PDLIM1: variants seen among roughly 807,000 people sequenced by gnomAD.
The protein encoded by PDLIM1 is PDZ and LIM domain protein 1.
Under a neutral mutation model 35.2 loss-of-function variants are expected in PDLIM1, and 25 were observed. The ratio of observed to expected loss-of-function variants is 0.71; its 90% CI spans 0.52 to 0.99. The LOEUF is 0.99. Ranked by LOEUF, PDLIM1 falls within the 50% of genes least tolerant of loss-of-function variation. The pLI, the probability that PDLIM1 is intolerant of heterozygous loss-of-function variation, is 0.00. For synonymous variants in PDLIM1, 152 were observed against 154.0 expected, an observed-to-expected ratio of 0.99 and a Z score of 0.10; for missense variants, 363 against 415.3, an observed-to-expected ratio of 0.87 and a Z score of 1.09.
At chr10:95,285,179 C>T (rs369165642) in intron 1 of PDLIM1, among the ~76,000 whole-genome samples, 42 of 152,288 alleles carry the variant, frequency 2.8e-4, no homozygotes, top group African/African-American at 9.6e-4. Context: ...AACCTCATAA[C>T]TGGACTGTAA....
chr10:95,280,919 A>C (rs1048402364), intron 1 of PDLIM1, among the ~76,000 whole-genome samples: 2 of 152,200 alleles, frequency 1.3e-5, no homozygotes, highest in African/African-American at 4.8e-5. Context: ...ATCAGATCCC[A>C]TGGGGGCAGG....
chr10:95,260,351 T>C (rs1444748894), intron 4 of PDLIM1, among the ~76,000 whole-genome samples: 2 of 152,184 alleles, frequency 1.3e-5, no homozygotes, highest in Admixed American at 1.3e-4. Context: ...ATATAAACAA[T>C]GAAATCTGGG....
chr10:95,242,760 G>A (rs2035189283), intron 5 of PDLIM1, among the ~76,000 whole-genome samples: 1 of 151,968 alleles, frequency 6.6e-6, no homozygotes. Flanking sequence ...AGGGATCTCA[G>A]AAGGGCCTGG....
chr10:95,238,832 T>C (rs1393675719), intron 5 of PDLIM1, 147 bp from the exon 6 acceptor site: 3 of 582,834 alleles, frequency 5.1e-6, no homozygotes, highest in Non-Finnish European at 9.4e-6. Flanking sequence ...GCAAGTAACT[T>C]AGCCTCTCTG....
At chr10:95,287,642 G>A (rs1402158347) in intron 1 of PDLIM1, among the ~76,000 whole-genome samples, 2 of 151,936 alleles carry the variant, frequency 1.3e-5, no homozygotes, top group Non-Finnish European at 2.9e-5. Flanking sequence ...TAACTAGAGG[G>A]AAGGAGAAAT....
At chr10:95,271,815 C>G (rs1157199416) in intron 1 of PDLIM1, 31 bp from the exon 2 acceptor site, 34 of 1,604,758 alleles carry the variant, frequency 2.1e-5, no homozygotes, top group Non-Finnish European at 2.8e-5. Flanking sequence ...AGGCTAGTTA[C>G]TATTTGTCTC....
intron 1 of PDLIM1, among the ~76,000 whole-genome samples, chr10:95,288,247 T>C (rs1315942691): frequency 6.6e-6 from 1 of 152,210 alleles, no homozygotes; most frequent in African/African-American, 2.4e-5. Flanking sequence ...TTTAGCAGTT[T>C]AGCAAAAGAC....
At chr10:95,275,614 C>T (rs887727675) in intron 1 of PDLIM1, among the ~76,000 whole-genome samples, 2 of 152,056 alleles carry the variant, frequency 1.3e-5, no homozygotes, top group Admixed American at 1.3e-4. Context: ...TAATCATTTC[C>T]CTCTACACTG....
chr10:95,266,606 G>A (rs2035418894), intron 3 of PDLIM1, among the ~76,000 whole-genome samples: 1 of 152,142 alleles, frequency 6.6e-6, no homozygotes, highest in South Asian at 2.1e-4. Flanking sequence ...TGAGTTACTA[G>A]AGTGTCAAGT....
chr10:95,273,804 T>TA (rs1285852814), intron 1 of PDLIM1, among the ~76,000 whole-genome samples: 9 of 151,700 alleles, frequency 5.9e-5, no homozygotes, highest in East Asian at 1.9e-4. Context: ...GTGCATGCAA[T>TA]AAAAAAAAAT....
chr10:95,282,221 G>A (rs944751141), intron 1 of PDLIM1, among the ~76,000 whole-genome samples: 7 of 152,184 alleles, frequency 4.6e-5, no homozygotes, highest in African/African-American at 1.7e-4. Context: ...GGATAAAGCA[G>A]GACCCAGCTC....
Position 95,263,920 on chromosome 10 carries a change from G to A in PDLIM1, c.477C>T (p.Phe159=), listed in dbSNP as rs78248291. 6.0e-5 allele frequency: 97 copies of A among 1,614,000 alleles called. No homozygotes were observed. The African/African-American group carries it at 1.1e-3, about 19-fold the overall frequency. ...CAGTCTTTGACTCCAGGGCATTGTT[G>A]AAGTTGGAGATATTTTCAGAAGAGT... ...GLYSSENISN[F]NNALESKTAA... The change falls in exon 4 of 7, where the codon TTC becomes TTT. Residue 159 remains phenylalanine (F), a synonymous_variant. Transcript: ENST00000329399.
chr10:95,263,765 C>A, intron 4 of PDLIM1, 99 bp downstream of exon 4: 1 of 797,156 alleles, frequency 1.3e-6, no homozygotes, highest in Non-Finnish European at 2.0e-6. Context: ...CATTTTTCTC[C>A]CTGGAGTAGT....
chr10:95,277,936 C>A (rs1203713207), intron 1 of PDLIM1, among the ~76,000 whole-genome samples: 1 of 152,232 alleles, frequency 6.6e-6, no homozygotes, highest in East Asian at 1.9e-4. Flanking sequence ...AGCTCTCCCA[C>A]TTTCTTCAAC....
rs533443611 is a variant in PDLIM1, at chr10:95,250,560, A to T, written c.534-3194T>A. Among the ~76,000 whole-genome samples the T allele has an allele frequency of 6.6e-5, 10 of 152,324 alleles. No individual in the cohort carries two copies. The East Asian group carries it at 1.5e-3, about 23-fold the overall frequency. The stretch of plus-strand genomic sequence containing the variant: ...TGATACCACAATATCTTAAAAAATG[A>T]TGACAAAAATATGAAGGAGAAATGG... On this transcript the variant is annotated intron_variant, in intron 4 of 6. Transcript: ENST00000329399.
rs367901467 is a variant in PDLIM1 at position 95,268,828 on chromosome 10, C to T, written c.283G>A (p.Glu95Lys). The T allele has an allele frequency of 5.0e-6, 8 of 1,613,292 alleles. No individual in the cohort carries two copies. In the African/African-American group the frequency reaches 1.1e-4, roughly 22 times the overall value. ...TTGTATGGATGACGCTTCCCTTCCT[C>T]CGTCACCAGAGGAGACCAGACTTTA... ...EHKVWSPLVT[E>K]EGKRHPYKMN... The change falls in exon 3 of 7, where the codon GAG (glutamate) becomes AAG (lysine). Residue 95 changes from glutamate (E) to lysine (K), a missense_variant. Transcript: ENST00000329399.
At chr10:95,270,858 C>A (rs554756339) in intron 2 of PDLIM1, among the ~76,000 whole-genome samples, 4 of 152,112 alleles carry the variant, frequency 2.6e-5, no homozygotes, top group South Asian at 4.2e-4. Flanking sequence ...TCAAGTGATT[C>A]TCCTGCCTCG....
At chr10:95,247,882 A>G (rs1378720255) in intron 4 of PDLIM1, among the ~76,000 whole-genome samples, 1 of 152,232 alleles carries the variant, frequency 6.6e-6, no homozygotes, top group Non-Finnish European at 1.5e-5. Context: ...CTCCTCACCT[A>G]TAACACAGAG....
At chr10:95,286,479 CAGG>C (rs1370380786) in intron 1 of PDLIM1, among the ~76,000 whole-genome samples, 1 of 152,054 alleles carries the variant, frequency 6.6e-6, no homozygotes, top group Non-Finnish European at 1.5e-5. Flanking sequence ...GAACTGAACC[CAGG>C]AGAAGACATA....
Sources: gnomAD v4.1 joint callset for allele counts (sites outside exome capture counted in the v4.1 genomes callset) on GRCh38, gnomAD v4.1.1 for gene constraint, MANE v1.5 for transcripts, NCBI Gene and HGNC (gene_info 2026-07-23, HGNC 2026-07-21) for gene names.